The following NCOA3 variants were observed in gnomAD, a reference collection of about 807,000 sequenced individuals.
NCOA3 encodes nuclear receptor coactivator 3.
In NCOA3, 51 loss-of-function variants were observed where a neutral mutation model predicts 158.8. That is an observed-to-expected ratio of 0.32 (90% CI 0.26 to 0.41). The LOEUF (loss-of-function observed/expected upper bound fraction) is 0.41, where lower values mean the gene tolerates loss of function less well. Among genes scored for constraint, NCOA3 ranks in the 10% least tolerant of loss-of-function variants. NCOA3 has a pLI of 1.00. For missense variants in NCOA3, 1,510 were observed against 1,746.6 expected (o/e 0.86, Z 2.41); for synonymous variants, 537 against 592.4 (o/e 0.91, Z 1.36).
intron 1 of NCOA3, among the ~76,000 whole-genome samples, chr20:47,550,891 TTA>T (rs1568675236): frequency 6.6e-6 from 1 of 152,212 alleles, no homozygotes; most frequent in African/African-American, 2.4e-5. Flanking sequence ...TGTAATATGT[TTA>T]TGTTTTGAAC....
intron 2 of NCOA3, among the ~76,000 whole-genome samples, chr20:47,599,823 T>G (rs1394532505): frequency 1.3e-5 from 2 of 152,236 alleles, no homozygotes; most frequent in Admixed American, 6.5e-5. Flanking sequence ...CAAGAAAGTT[T>G]ACATTGAAAA....
At chr20:47,506,791 A>G (rs1030349676) in intron 1 of NCOA3, among the ~76,000 whole-genome samples, 1 of 151,702 alleles carries the variant, frequency 6.6e-6, no homozygotes, top group Non-Finnish European at 1.5e-5. Context: ...TTTTCTGTTA[A>G]TTTTTTTATT....
At chr20:47,522,778 G>A (rs1350948385) in intron 1 of NCOA3, among the ~76,000 whole-genome samples, 1 of 151,994 alleles carries the variant, frequency 6.6e-6, no homozygotes, top group Non-Finnish European at 1.5e-5. Flanking sequence ...GAAGGCTGAG[G>A]CAATCTCCAT....
intron 2 of NCOA3, among the ~76,000 whole-genome samples, chr20:47,584,156 C>T (rs1255775222): frequency 6.6e-6 from 1 of 151,446 alleles, no homozygotes; most frequent in Admixed American, 6.6e-5. Flanking sequence ...AATTAGCTAG[C>T]AAGGTGGTGT....
chr20:47,514,969 G>A lies in NCOA3; in HGVS notation c.-99+12950G>A, dbSNP rs180876367. Among the ~76,000 whole-genome samples, 165 of 150,912 alleles carry A rather than the reference G, an allele frequency of 1.1e-3. 2 individuals are homozygous for A. The highest frequency in any genetic ancestry group is 8.9e-5 in the Non-Finnish European group (6 of 67,774). On this transcript the variant is annotated intron_variant, in intron 1 of 22. Coordinates refer to ENST00000371998, the MANE Select transcript of NCOA3 (RefSeq NM_181659.3). ...CAAAGTGCTGGGATTACAGGCATGA[G>A]CCACCACACCCAGCCTCTTGTATTT... is the stretch of plus-strand genomic sequence containing the variant.
At chr20:47,520,714 C>T (rs1193268640) in intron 1 of NCOA3, among the ~76,000 whole-genome samples, 1 of 152,128 alleles carries the variant, frequency 6.6e-6, no homozygotes, top group African/African-American at 2.4e-5. Context: ...TAGGGAGTGT[C>T]TTGCCTTGCT....
chr20:47,571,349 G>C (rs1386053669), intron 1 of NCOA3, among the ~76,000 whole-genome samples: 2 of 144,522 alleles, frequency 1.4e-5, no homozygotes. Context: ...ACAGATTCTC[G>C]CTCTGTTGCC....
At chr20:47,542,933 C>T (rs1203555912) in intron 1 of NCOA3, among the ~76,000 whole-genome samples, 1 of 152,142 alleles carries the variant, frequency 6.6e-6, no homozygotes. Context: ...CCACTGTACT[C>T]CAGTCTGGGT....
chr20:47,588,711 G>A (rs1435938332), intron 2 of NCOA3, among the ~76,000 whole-genome samples: 1 of 151,240 alleles, frequency 6.6e-6, no homozygotes, highest in Non-Finnish European at 1.5e-5. Context: ...TTTTTTTGAT[G>A]GTATCTGTAT....
Position 47,641,490 on chromosome 20 carries a change from C to CTTTTTTTTTTTTT in NCOA3, c.3081-707_3081-695dup, listed in dbSNP as rs71183270. ...GTCAGCCACCACGCCTGGCTCCCTT[C>CTTTTTTTTTTTTT]TTTTTTTTTTTTTTTTTTTTTTTTT... On this transcript the variant is annotated intron_variant, in intron 16 of 22. Transcript: ENST00000371998. Among the ~76,000 whole-genome samples the CTTTTTTTTTTTTT allele has an allele frequency of 7.9e-4, 38 of 48,368 alleles. 3 individuals are homozygous for CTTTTTTTTTTTTT. The highest frequency in any genetic ancestry group is 3.1e-3 in the African/African-American group (26 of 8,406). 31.7% of individuals were successfully genotyped at this position (48,368 alleles called of 152,430 possible). A position where few individuals can be genotyped will look rare whatever the true frequency, so the allele number is the denominator to read the frequency against.
In NCOA3 at chr20:47,625,363, C is replaced by T; in HGVS notation, c.257-18C>T. ...ACTGATAGTGTGTTATTCGTTATAC[C>T]ACCTTCTGTCTTTTCAGGAAAAACT... On this transcript the variant is annotated intron_variant, in intron 4 of 22. Transcript: ENST00000371998. 1 of 1,543,996 alleles carries T rather than the reference C, an allele frequency of 6.5e-7. No individual in the cohort carries two copies. The highest frequency in any genetic ancestry group is 9.0e-7 in the Non-Finnish European group (1 of 1,117,046).
intron 22 of NCOA3, 116 bp from the exon 23 acceptor site, chr20:47,653,290 C>A: frequency 7.6e-7 from 1 of 1,320,966 alleles, no homozygotes; most frequent in Non-Finnish European, 1.0e-6. Flanking sequence ...GAACCTGAAT[C>A]ACTCAGCCAG....
chr20:47,603,735 G>A (rs1166034942), intron 2 of NCOA3, among the ~76,000 whole-genome samples: 2 of 152,170 alleles, frequency 1.3e-5, no homozygotes, highest in Non-Finnish European at 2.9e-5. Flanking sequence ...CTCTCTGACC[G>A]TCCTCAGCCG....
At chr20:47,515,972 C>T (rs1219602528) in intron 1 of NCOA3, among the ~76,000 whole-genome samples, 1 of 152,166 alleles carries the variant, frequency 6.6e-6, no homozygotes, top group Non-Finnish European at 1.5e-5. Flanking sequence ...AACTATGTGA[C>T]ATCTTAGAAA....
chr20:47,623,780 ACT>A (rs1265808782), intron 3 of NCOA3, 129 bp from the exon 4 acceptor site: 5 of 847,388 alleles, frequency 5.9e-6, no homozygotes, highest in Non-Finnish European at 5.2e-6. Context: ...AAGAGCGAAA[ACT>A]CTGTCTCGAG....
chr20:47,528,390 A>G (rs1409409478), intron 1 of NCOA3, among the ~76,000 whole-genome samples: 1 of 152,172 alleles, frequency 6.6e-6, no homozygotes, highest in Non-Finnish European at 1.5e-5. Context: ...ATTATTTATT[A>G]TTACTAACTA....
At chr20:47,522,699 A>C (rs1013997681) in intron 1 of NCOA3, among the ~76,000 whole-genome samples, 1 of 151,910 alleles carries the variant, frequency 6.6e-6, no homozygotes, top group Admixed American at 6.6e-5. Context: ...CAGGGGCGCT[A>C]TGATGTTCTA....
intron 17 of NCOA3, 131 bp downstream of exon 17, chr20:47,642,515 G>T: frequency 1.9e-6 from 1 of 519,838 alleles, no homozygotes; most frequent in Non-Finnish European, 3.1e-6. Context: ...CTACATTCAT[G>T]GATACCAGCA....
intron 1 of NCOA3, among the ~76,000 whole-genome samples, chr20:47,553,573 G>A (rs1357964287): frequency 3.9e-5 from 3 of 77,076 alleles, no homozygotes; most frequent in Admixed American, 2.1e-4. Flanking sequence ...AACAGTCCCC[G>A]GTGTGTGATG....
Sources: allele counts gnomAD v4.1 joint callset (sites outside exome capture counted in the v4.1 genomes callset), GRCh38; gene constraint gnomAD v4.1.1; transcripts MANE v1.5; gene names NCBI Gene and HGNC (gene_info 2026-07-23, HGNC 2026-07-21).